FMO4: variants seen among roughly 807,000 people sequenced by gnomAD.
FMO4 encodes the protein flavin containing dimethylaniline monoxygenase 4.
FMO4 carries 38 observed loss-of-function variants against 43.3 expected under a neutral mutation model. The ratio of observed to expected loss-of-function variants is 0.88; its 90% CI spans 0.68 to 1.15. The LOEUF is 1.15. Ranked by LOEUF, FMO4 falls within the 50% of genes most tolerant of loss-of-function variation. The pLI is 0.00. For synonymous variants in FMO4, 224 were observed against 232.2 expected (o/e 0.96, Z 0.32); for missense variants, 631 against 663.3 (o/e 0.95, Z 0.54).
chr1:171,331,904 G>GAAA (rs71103398), intron 6 of FMO4, 122 bp downstream of exon 6: 223 of 664,922 alleles, frequency 3.4e-4, no homozygotes, highest in South Asian at 1.3e-3. Flanking sequence ...CAGTAAGTGG[G>GAAA]AAAAAAAAAA....
At chr1:171,317,822 C>A (rs536887910) in intron 2 of FMO4, among the ~76,000 whole-genome samples, 1 of 152,134 alleles carries the variant, frequency 6.6e-6, no homozygotes, top group Non-Finnish European at 1.5e-5. Context: ...AAGGCATGAC[C>A]GTGACCAGCT....
At chr1:171,316,644 T>C (rs1662212534) in intron 2 of FMO4, among the ~76,000 whole-genome samples, 1 of 152,212 alleles carries the variant, frequency 6.6e-6, no homozygotes, top group Non-Finnish European at 1.5e-5. Flanking sequence ...AAATCCATTT[T>C]CATTGCATTC....
intron 4 of FMO4, among the ~76,000 whole-genome samples, chr1:171,323,497 T>C (rs45627437): frequency 0.044 from 6,672 of 151,990 alleles, 472 homozygotes; most frequent in African/African-American, 0.15. Flanking sequence ...AATTCCACCT[T>C]TACTAAAAAT....
At chr1:171,331,925 A>G (rs1662918393) in intron 6 of FMO4, 143 bp downstream of exon 6, 1 of 761,664 alleles carries the variant, frequency 1.3e-6, no homozygotes, top group Non-Finnish European at 2.2e-6. Flanking sequence ...AACATTGAAA[A>G]TCTTTAAAGC....
chr1:171,341,714 T>TGG lies in FMO4; in HGVS notation c.1557_1558dup (p.Ala520GlyfsTer19). The TGG allele has an allele frequency of 6.2e-7, 1 of 1,613,874 alleles. No homozygotes were observed. The highest frequency in any genetic ancestry group is 8.5e-7 in the Non-Finnish European group (1 of 1,179,930). ...CTCCATGTCACATTATTTAAAAGCC[T>TGG]GGGGGGCACCTGTCCTACTTGCCTC... On this transcript the variant is annotated frameshift_variant, in exon 10 of 10. Transcript: ENST00000367749. LOFTEE classifies it low-confidence loss of function (END_TRUNC).
Position 171,337,359 on chromosome 1 carries a change from T to C in FMO4, c.1184T>C (p.Leu395Pro). The change falls in exon 9 of 10, where the codon CTC (leucine) becomes CCC (proline). Residue 395 changes from leucine (L) to proline (P), a missense_variant. Leu to Pro is a moderately conservative substitution (Grantham distance 98, BLOSUM62 -3). Transcript: ENST00000367749. Reference sequence around the variant, plus strand: ...TTGTTTGTGATTTTTCCCACAGGACTCTGTAAGATACCTCCATCCCAAAAA... The same window carrying C: ...TTGTTTGTGATTTTTCCCACAGGACCCTGTAAGATACCTCCATCCCAAAAA... ...ARWVTRVFKG[L>P]CKIPPSQKLM... The C allele has an allele frequency of 6.2e-7, 1 of 1,608,096 alleles. No homozygotes were observed. Among genetic ancestry groups the C allele is most frequent in the Non-Finnish European group, 8.5e-7 (1 of 1,174,670 alleles).
At chr1:171,314,846 AT>A (rs1459279158) in intron 1 of FMO4, among the ~76,000 whole-genome samples, 1 of 152,212 alleles carries the variant, frequency 6.6e-6, no homozygotes, top group Non-Finnish European at 1.5e-5. Context: ...AGAAATCATA[AT>A]TGATTACATG....
At chr1:171,340,692 G>A (rs1272342461) in intron 9 of FMO4, among the ~76,000 whole-genome samples, 2 of 152,136 alleles carry the variant, frequency 1.3e-5, no homozygotes, top group Admixed American at 6.5e-5. Context: ...GGGGAGGGAT[G>A]AAGGGCGAGT....
At chr1:171,333,139 A>G in intron 7 of FMO4, 1 of 365,890 alleles carries the variant, frequency 2.7e-6, no homozygotes, top group Non-Finnish European at 4.9e-6. Context: ...ATAAAAGATG[A>G]AAACTTCCAT....
At chr1:171,324,777 A>G (rs1218465406) in intron 5 of FMO4, among the ~76,000 whole-genome samples, 3 of 152,170 alleles carry the variant, frequency 2.0e-5, no homozygotes, top group Admixed American at 6.6e-5. Context: ...AAACTTTAAA[A>G]GGGAAAAAAA....
intron 7 of FMO4, 60 bp from the exon 8 acceptor site, chr1:171,334,351 A>T (rs1190992838): frequency 1.8e-6 from 2 of 1,090,576 alleles, no homozygotes; most frequent in Non-Finnish European, 2.6e-6. Context: ...TAAGTAAATC[A>T]TTTGCTGAAG....
At chr1:171,337,333 G>A (rs1006212082) in intron 8 of FMO4, 23 bp from the exon 9 acceptor site, 2 of 1,554,906 alleles carry the variant, frequency 1.3e-6, no homozygotes, top group African/African-American at 2.7e-5. Flanking sequence ...TGACTTTAGT[G>A]TTGTTTGTGA....
intron 5 of FMO4, among the ~76,000 whole-genome samples, chr1:171,325,816 C>CTTTT (rs1558037717): frequency 2.6e-5 from 2 of 75,594 alleles, no homozygotes; most frequent in African/African-American, 8.6e-5. Context: ...CATAGACTAT[C>CTTTT]CTTTTTTTTT....
chr1:171,329,224 C>G (rs568637216), intron 5 of FMO4, among the ~76,000 whole-genome samples: 62 of 152,220 alleles, frequency 4.1e-4, no homozygotes, highest in Non-Finnish European at 6.5e-4. Context: ...CTAGTTTTCT[C>G]TGATCTCGGG....
At chr1:171,338,543 TACCAAAC>T (rs1663215725) in intron 9 of FMO4, among the ~76,000 whole-genome samples, 8 of 152,294 alleles carry the variant, frequency 5.3e-5, no homozygotes, top group African/African-American at 1.9e-4. Flanking sequence ...TCCTCAAACA[TACCAAAC>T]ATAACCCCCT....
chr1:171,314,562 TAAG>T (rs935482519), intron 1 of FMO4, 149 bp downstream of exon 1: 43 of 152,194 alleles, frequency 2.8e-4, no homozygotes, highest in African/African-American at 9.4e-4. Context: ...GCAAGAGAAT[TAAG>T]GAGAGAGTCA....
At position 171,334,617 on chromosome 1, in the gene FMO4, GTACAAAGAAGATATTTCTA is replaced by G. The variant is rs768035106; in HGVS notation, c.1040_1058del (p.Lys347SerfsTer6). ...TTTGAAGAACCTCTTAAAAGCCTCT[GTACAAAGAAGATATTTCTA>G]TACAAGCAAGTCTTTCCCTTAAACC... is the stretch of plus-strand genomic sequence containing the variant. On this transcript the variant is annotated frameshift_variant, in exon 8 of 10. Transcript: ENST00000367749. LOFTEE classifies it high-confidence loss of function. 1.9e-6 allele frequency: 3 copies of G among 1,613,228 alleles called. No homozygotes were observed. The highest frequency in any genetic ancestry group is 2.2e-5 in the South Asian group (2 of 91,060).
chr1:171,327,959 G>A (rs775564370), intron 5 of FMO4, among the ~76,000 whole-genome samples: 2 of 152,158 alleles, frequency 1.3e-5, no homozygotes, highest in Non-Finnish European at 2.9e-5. Context: ...TTAGAAGCCT[G>A]GGACTAGCAT....
chr1:171,323,006 A>C lies in FMO4; in HGVS notation c.135A>C (p.Glu45Asp). The change falls in exon 4 of 10, where the codon GAA becomes GAC. Residue 45 changes from glutamate to aspartate, a missense_variant and splice_region_variant. Glu to Asp is a conservative substitution (Grantham distance 45). Transcript: ENST00000367749. The stretch of plus-strand genomic sequence containing the variant: ...AGCTAACTATGCCTTCACCACAGGA[A>C]TCTTCCAAAGATGGGATGACCAGGG... ...DDIGGLWKFT[E>D]SSKDGMTRVY... is the part of the protein sequence containing the mutation. 1 of 1,611,888 alleles carries C rather than the reference A, an allele frequency of 6.2e-7. No individual in the cohort carries two copies.
Sources: gnomAD v4.1 joint callset for allele counts (sites outside exome capture counted in the v4.1 genomes callset) on GRCh38, gnomAD v4.1.1 for gene constraint, MANE v1.5 for transcripts, NCBI Gene and HGNC (gene_info 2026-07-23, HGNC 2026-07-21) for gene names.